Variants in RTKN2 observed in about 807,000 individuals in gnomAD.
The protein encoded by RTKN2 is rhotekin 2.
Under a neutral mutation model 71.5 loss-of-function variants are expected in RTKN2, and 69 were observed. The observed-to-expected ratio is 0.96, with a 90% CI of 0.79 to 1.18. The LOEUF (loss-of-function observed/expected upper bound fraction) is 1.18. Ranked by LOEUF, RTKN2 falls within the 50% of genes most tolerant of loss-of-function variation. RTKN2 has a pLI of 0.00. For synonymous variants in RTKN2, 236 were observed against 236.5 expected, an observed-to-expected ratio of 1.00 and a Z score of 0.02; for missense variants, 724 against 719.7, an observed-to-expected ratio of 1.01 and a Z score of -0.07.
At chr10:62,187,670 G>A in intron 8 of RTKN2, among the ~76,000 whole-genome samples, 1 of 152,130 alleles carries the variant, frequency 6.6e-6, no homozygotes, top group Admixed American at 6.5e-5. Context: ...GTCAGGTGAG[G>A]TGTGATTCTC....
At chr10:62,259,211 C>T (rs1169418151) in intron 2 of RTKN2, 1 of 453,448 alleles carries the variant, frequency 2.2e-6, no homozygotes, top group Non-Finnish European at 4.4e-6. Context: ...TCTCCTTCGC[C>T]TTCTGCCATG....
intron 1 of RTKN2, among the ~76,000 whole-genome samples, chr10:62,265,025 C>T (rs1564533955): frequency 6.6e-6 from 1 of 151,754 alleles, no homozygotes; most frequent in African/African-American, 2.4e-5. Flanking sequence ...TATCTTCTCA[C>T]CATCACTTAT....
chr10:62,185,917 T>C (rs1479212635), intron 8 of RTKN2, among the ~76,000 whole-genome samples: 1 of 152,234 alleles, frequency 6.6e-6, no homozygotes, highest in Non-Finnish European at 1.5e-5. Flanking sequence ...TCTTGGAATT[T>C]TACGGTTTTA....
At chr10:62,223,404 C>A (rs997591644) in intron 6 of RTKN2, 72 bp from the exon 7 acceptor site, 70 of 880,822 alleles carry the variant, frequency 7.9e-5, no homozygotes, top group Non-Finnish European at 7.5e-5. Context: ...TTTGTATGTT[C>A]AACAACAAAT....
intron 10 of RTKN2, 75 bp downstream of exon 10, chr10:62,204,782 C>A: frequency 8.5e-7 from 1 of 1,183,238 alleles, no homozygotes. Flanking sequence ...TCTAAGATTA[C>A]AATTTTAAGA....
At chr10:62,263,257 A>G (rs1029584168) in intron 1 of RTKN2, among the ~76,000 whole-genome samples, 3 of 152,222 alleles carry the variant, frequency 2.0e-5, no homozygotes, top group African/African-American at 7.2e-5. Flanking sequence ...ATGAAGACAC[A>G]GTCACATACA....
At chr10:62,187,866 A>G (rs1841161683) in intron 8 of RTKN2, among the ~76,000 whole-genome samples, 1 of 152,200 alleles carries the variant, frequency 6.6e-6, no homozygotes, top group Non-Finnish European at 1.5e-5. Context: ...CAGAGATGTG[A>G]TCTGAATCCA....
downstream of RTKN2, among the ~76,000 whole-genome samples, chr10:62,192,130 A>T (rs1841233240): frequency 1.3e-5 from 2 of 151,978 alleles, no homozygotes; most frequent in South Asian, 4.1e-4. Flanking sequence ...CTAAGTCATG[A>T]CAGAGCTAGA....
At chr10:62,242,962 T>G (rs1176209262) in intron 3 of RTKN2, among the ~76,000 whole-genome samples, 3 of 152,218 alleles carry the variant, frequency 2.0e-5, no homozygotes, top group Non-Finnish European at 4.4e-5. Context: ...AGTATTCAAT[T>G]TATCTATTTA....
chr10:62,257,134 G>A (rs1186684811), intron 2 of RTKN2, among the ~76,000 whole-genome samples: 1 of 152,180 alleles, frequency 6.6e-6, no homozygotes, highest in Non-Finnish European at 1.5e-5. Context: ...TAGAAAGAAG[G>A]AGAGAACCAA....
chr10:62,195,933 C>A lies in RTKN2; in HGVS notation c.*1975G>T. Reference sequence around the variant, plus strand: ...TAGGTAATTTCTGTATGAATACTTTCTTTTTCTTATACACCTTAAGTCCTT... The same window carrying A: ...TAGGTAATTTCTGTATGAATACTTTATTTTTCTTATACACCTTAAGTCCTT... On this transcript the variant is annotated 3_prime_UTR_variant, in exon 12 of 12. Transcript: ENST00000373789. 1 of 985,150 alleles carries A rather than the reference C, an allele frequency of 1.0e-6. No homozygotes were observed. The highest frequency in any genetic ancestry group is 1.7e-5 in the African/African-American group (1 of 57,288). 61.0% of individuals were successfully genotyped at this position (985,150 alleles called of 1,614,324 possible).
chr10:62,219,491 TGAG>T (rs1440695964), intron 7 of RTKN2, among the ~76,000 whole-genome samples: 7 of 152,202 alleles, frequency 4.6e-5, no homozygotes, highest in African/African-American at 9.6e-5. Context: ...GAATGGACTC[TGAG>T]GATTATATGG....
In RTKN2 at chr10:62,218,277, A is replaced by G. The variant is rs1369791357; in HGVS notation, c.806T>C (p.Leu269Pro). 1.2e-6 allele frequency: 2 copies of G among 1,612,282 alleles called. No individual in the cohort carries two copies. The highest frequency in any genetic ancestry group is 1.7e-5 in the Admixed American group (1 of 59,840). ...TAGTCGGCAGCACATGTTGCCATAC[A>G]GGGGAAGCCAAAATGAAGACTCCTC... ...GNEESSFWLP[L>P]YGNMCCRLVA... Residue 269 changes from leucine to proline, a missense_variant, in exon 8 of 12, where the codon CTG (leucine) becomes CCG (proline). Transcript: ENST00000373789.
intron 9 of RTKN2, among the ~76,000 whole-genome samples, chr10:62,208,233 T>C (rs1841586677): frequency 6.6e-6 from 1 of 152,218 alleles, no homozygotes. Context: ...GGAAAATTAC[T>C]AGATCAGGAC....
downstream of RTKN2, among the ~76,000 whole-genome samples, chr10:62,189,758 A>G (rs1345624213): frequency 6.6e-6 from 1 of 151,952 alleles, no homozygotes; most frequent in African/African-American, 2.4e-5. Flanking sequence ...CCTGGCTTGA[A>G]GGGGAGGTTG....
At chr10:62,185,102 C>A (rs1841113324) in intron 8 of RTKN2, among the ~76,000 whole-genome samples, 1 of 152,038 alleles carries the variant, frequency 6.6e-6, no homozygotes. Flanking sequence ...AGCCAAATTT[C>A]TGTTTTCAGT....
At chr10:62,236,034 A>T in intron 6 of RTKN2, 32 bp downstream of exon 6, 1 of 1,374,882 alleles carries the variant, frequency 7.3e-7, no homozygotes, top group Non-Finnish European at 1.0e-6. Flanking sequence ...ATGTATAATT[A>T]TGTCACCATA....
At chr10:62,252,320 TG>T (rs1410925049) in intron 2 of RTKN2, among the ~76,000 whole-genome samples, 1 of 152,068 alleles carries the variant, frequency 6.6e-6, no homozygotes, top group Admixed American at 6.5e-5. Flanking sequence ...AAGGAAAGAA[TG>T]TGTTGGCTAA....
At chr10:62,208,984 G>A (rs1035554776) in intron 9 of RTKN2, among the ~76,000 whole-genome samples, 1 of 152,086 alleles carries the variant, frequency 6.6e-6, no homozygotes, top group Non-Finnish European at 1.5e-5. Context: ...TAAGAAAAAA[G>A]GCAGGCTGGG....
Sources: allele counts gnomAD v4.1 joint callset (sites outside exome capture counted in the v4.1 genomes callset), GRCh38; gene constraint gnomAD v4.1.1; transcripts MANE v1.5; gene names NCBI Gene and HGNC (gene_info 2026-07-23, HGNC 2026-07-21).